DLD: variants seen among roughly 807,000 people sequenced by gnomAD.
The protein encoded by DLD is dihydrolipoamide dehydrogenase.
A neutral mutation model predicts 62.2 loss-of-function variants in DLD; 36 were observed. The observed-to-expected ratio is 0.58, with a 90% CI of 0.44 to 0.76. The LOEUF (loss-of-function observed/expected upper bound fraction) is 0.76. Ranked by LOEUF, DLD falls within the 30% of genes least tolerant of loss-of-function variation. The probability of loss-of-function intolerance (pLI) is 0.00; values close to 1 mark genes in which losing one functional copy is unlikely to be tolerated. For synonymous variants in DLD, 204 were observed against 199.6 expected, an observed-to-expected ratio of 1.02 and a Z score of -0.19; for missense variants, 541 against 608.6, an observed-to-expected ratio of 0.89 and a Z score of 1.17.
intron 8 of DLD, among the ~76,000 whole-genome samples, chr7:107,913,947 A>G: frequency 6.6e-6 from 1 of 152,048 alleles, no homozygotes; most frequent in East Asian, 1.9e-4. Context: ...TTGAATTTTT[A>G]TTAAAGGCTT....
At chr7:107,902,143 G>A (rs1008019100) in intron 3 of DLD, among the ~76,000 whole-genome samples, 182 bp from the exon 4 acceptor site, 1 of 151,656 alleles carries the variant, frequency 6.6e-6, no homozygotes, top group African/African-American at 2.4e-5. Context: ...TTCACTTTTG[G>A]GTCAGCCCAA....
chr7:107,916,707 C>T (rs2032277947), intron 9 of DLD, 87 bp from the exon 10 acceptor site: 2 of 1,330,470 alleles, frequency 1.5e-6, no homozygotes, highest in Admixed American at 1.7e-5. Flanking sequence ...ATGTCATCAA[C>T]ACTTGAGAAA....
intron 2 of DLD, among the ~76,000 whole-genome samples, chr7:107,893,852 G>A (rs1310261200): frequency 6.6e-6 from 1 of 152,200 alleles, no homozygotes; most frequent in East Asian, 1.9e-4. Context: ...TATACTCCAA[G>A]TATGATGGGA....
At position 107,913,438 on chromosome 7, in the gene DLD, A is replaced by C. The variant is rs144706784; in HGVS notation, c.685-2068A>C. 4.7e-3 allele frequency among the ~76,000 whole-genome samples: 703 copies of C among 150,126 alleles called. 6 individuals are homozygous for C. The highest frequency in any genetic ancestry group is 0.016 in the African/African-American group (668 of 41,158). ...TGTTTTTTAGTTTTTTATTGTATAG[A>C]TCTTTCACATCTTTGGCTAAATTGA... On this transcript the variant is annotated intron_variant, in intron 8 of 13. Transcript: ENST00000205402.
In DLD at chr7:107,893,211, C is replaced by G; in HGVS notation, c.51C>G (p.Phe17Leu). 6.2e-7 allele frequency: 1 copy of G among 1,613,400 alleles called. No individual in the cohort carries two copies. Residue 17 changes from phenylalanine (F) to leucine (L), a missense_variant, in exon 2 of 14, where the codon TTC (phenylalanine) becomes TTG (leucine). Phe to Leu is a conservative substitution (Grantham distance 22). Coordinates refer to ENST00000205402, the MANE Select transcript of DLD (RefSeq NM_000108.5). ...TTTTCTTTTTCTAGAGAGGCCATTT[C>G]AATCGAATATCTCATGGCCTACAGG... is the stretch of plus-strand genomic sequence containing the variant. ...VYCSLAKRGH[F>L]NRISHGLQGL...
chr7:107,893,822 G>T (rs1030664234), intron 2 of DLD, among the ~76,000 whole-genome samples: 14 of 152,178 alleles, frequency 9.2e-5, no homozygotes, highest in Admixed American at 6.5e-4. Flanking sequence ...GCCTTGTAAG[G>T]CAGGTCTAGT....
intron 8 of DLD, among the ~76,000 whole-genome samples, chr7:107,907,979 T>C (rs2032048619): frequency 6.6e-6 from 1 of 152,240 alleles, no homozygotes; most frequent in African/African-American, 2.4e-5. Context: ...ATTTCTTCAC[T>C]GCTTTATTTG....
rs767769485 is a variant in DLD at position 107,917,973 on chromosome 7, C to T, written c.1286C>T (p.Ala429Val). 1 of 1,614,026 alleles carries T rather than the reference C, an allele frequency of 6.2e-7. No homozygotes were observed. Residue 429 changes from alanine (A) to valine (V), a missense_variant, in exon 12 of 14, where the codon GCT becomes GTT. By Grantham distance (64) the Ala-to-Val change is moderately conservative. Coordinates refer to ENST00000205402, the MANE Select transcript of DLD (RefSeq NM_000108.5). ...GKFPFAANSR[A>V]KTNADTDGMV... The stretch of plus-strand genomic sequence containing the variant: ...TTCCCATTTGCTGCTAACAGCAGAG[C>T]TAAGACAAATGCTGACACAGATGGC...
intron 2 of DLD, among the ~76,000 whole-genome samples, chr7:107,900,323 G>T (rs1222898533): frequency 1.3e-5 from 2 of 152,054 alleles, no homozygotes; most frequent in Non-Finnish European, 2.9e-5. Flanking sequence ...GGGAGAGGGG[G>T]TGATGCAAAT....
In DLD at chr7:107,919,460, A is replaced by T; in HGVS notation, c.*201A>T. On this transcript the variant is annotated 3_prime_UTR_variant, in exon 14 of 14. Transcript: ENST00000205402. ...TAAATTTAGTATTTTGTTTCAGTGCACTAATGTGTAAGACAAAAAGCTACT... is the reference window on the plus strand; with the variant it reads ...TAAATTTAGTATTTTGTTTCAGTGCTCTAATGTGTAAGACAAAAAGCTACT... The T allele has an allele frequency of 2.0e-6, 1 of 507,790 alleles. No individual in the cohort carries two copies. The highest frequency in any genetic ancestry group is 3.4e-6 in the Non-Finnish European group (1 of 290,380). The allele number at this position is 507,790 out of a possible 1,614,324, so 31.5% of individuals were successfully genotyped here. A position where few individuals can be genotyped will look rare whatever the true frequency, so the allele number is the denominator to read the frequency against.
chr7:107,916,449 C>G (rs1319536390), intron 9 of DLD, among the ~76,000 whole-genome samples: 1 of 152,074 alleles, frequency 6.6e-6, no homozygotes, highest in Non-Finnish European at 1.5e-5. Flanking sequence ...CTGAGATGGG[C>G]AGATCATGAA....
intron 1 of DLD, chr7:107,891,597 T>A (rs2031577301): frequency 1.8e-6 from 1 of 552,624 alleles, no homozygotes; most frequent in Non-Finnish European, 3.3e-6. Context: ...CACATAGGCC[T>A]CTACCTTGGA....
At chr7:107,893,487 T>C (rs1353038108) in intron 2 of DLD, 2 of 431,266 alleles carry the variant, frequency 4.6e-6, no homozygotes, top group Non-Finnish European at 8.2e-6. Context: ...AAACTTGTAA[T>C]TTGGTGATAA....
chr7:107,917,950 C>G lies in DLD; in HGVS notation c.1263C>G (p.Phe421Leu). The part of the protein sequence containing the change: ...EEGIEYKVGK[F>L]PFAANSRAKT... ...GTATTGAGTACAAAGTTGGGAAATT[C>G]CCATTTGCTGCTAACAGCAGAGCTA... is the stretch of plus-strand genomic sequence containing the variant. Residue 421 changes from phenylalanine to leucine, a missense_variant, in exon 12 of 14, where the codon TTC becomes TTG. Transcript: ENST00000205402. The G allele has an allele frequency of 1.2e-6, 2 of 1,613,976 alleles. No individual in the cohort carries two copies. Among genetic ancestry groups the G allele is most frequent in the Non-Finnish European group, 1.7e-6 (2 of 1,179,940 alleles).
chr7:107,902,532 G>A (rs997373222), intron 4 of DLD, 139 bp downstream of exon 4: 21 of 792,110 alleles, frequency 2.7e-5, no homozygotes, highest in Non-Finnish European at 4.1e-5. Flanking sequence ...AGAAAAAAAA[G>A]AATGATAAAA....
At chr7:107,896,156 T>C (rs763936454) in intron 2 of DLD, among the ~76,000 whole-genome samples, 20 of 152,196 alleles carry the variant, frequency 1.3e-4, no homozygotes, top group Non-Finnish European at 2.8e-4. Context: ...GAACATGGGC[T>C]TTATCTAACA....
At chr7:107,901,399 A>C (rs2031871606) in intron 2 of DLD, among the ~76,000 whole-genome samples, 1 of 152,156 alleles carries the variant, frequency 6.6e-6, no homozygotes, top group African/African-American at 2.4e-5. Context: ...CTTCATACAT[A>C]CTTGTCTTCC....
At chr7:107,896,388 C>T (rs905620449) in intron 2 of DLD, among the ~76,000 whole-genome samples, 6 of 152,164 alleles carry the variant, frequency 3.9e-5, no homozygotes, top group Non-Finnish European at 8.8e-5. Flanking sequence ...CTCTGATCCT[C>T]ACAACCCTAG....
In DLD at chr7:107,891,218, A is replaced by G. The variant is rs557463872; in HGVS notation, c.-33A>G. 6.2e-7 allele frequency: 1 copy of G among 1,613,830 alleles called. No homozygotes were observed. The highest frequency in any genetic ancestry group is 8.5e-7 in the Non-Finnish European group (1 of 1,179,764). ...CGGCGGAGGCGCCCAGCGGAGGTGA[A>G]AGTATTGGCGGAAAGGAAAATACAG... On this transcript the variant is annotated 5_prime_UTR_variant, in exon 1 of 14. Transcript: ENST00000205402.
Sources: gnomAD v4.1 joint callset for allele counts (sites outside exome capture counted in the v4.1 genomes callset) on GRCh38, gnomAD v4.1.1 for gene constraint, MANE v1.5 for transcripts, NCBI Gene and HGNC (gene_info 2026-07-23, HGNC 2026-07-21) for gene names.